The following ESRRG variants were observed in gnomAD, a reference collection of about 807,000 sequenced individuals.
ESRRG encodes estrogen-related receptor gamma.
Under a neutral mutation model 44.0 loss-of-function variants are expected in ESRRG, and 13 were observed. That is an observed-to-expected ratio of 0.30 (90% CI 0.19 to 0.47). The LOEUF is 0.47. Among genes scored for constraint, ESRRG ranks in the 20% least tolerant of loss-of-function variants. The pLI is 1.00. For missense variants in ESRRG, 395 were observed against 580.6 expected, an observed-to-expected ratio of 0.68 and a Z score of 3.29; for synonymous variants, 215 against 214.6, an observed-to-expected ratio of 1.00 and a Z score of -0.02.
intron 3 of ESRRG, among the ~76,000 whole-genome samples, chr1:216,569,756 T>G (rs982423945): frequency 6.6e-5 from 10 of 152,240 alleles, no homozygotes; most frequent in Admixed American, 3.3e-4. Flanking sequence ...GTACATATTT[T>G]GGCATGTCTC....
chr1:216,974,308 G>A (rs1422781418), intron 1 of ESRRG, among the ~76,000 whole-genome samples: 2 of 152,158 alleles, frequency 1.3e-5, no homozygotes, highest in African/African-American at 2.4e-5. Context: ...ATTACAGATT[G>A]TAGCATGCAT....
chr1:216,698,649 T>G (rs2151837239), intron 1 of ESRRG, among the ~76,000 whole-genome samples: 1 of 151,400 alleles, frequency 6.6e-6, no homozygotes, highest in East Asian at 1.9e-4. Context: ...CAACGGTGAG[T>G]ATAGAGGCAT....
At chr1:217,126,639 C>A (rs925527520) in intron 1 of ESRRG, among the ~76,000 whole-genome samples, 1 of 152,054 alleles carries the variant, frequency 6.6e-6, no homozygotes, top group African/African-American at 2.4e-5. Context: ...CTTAAGTAGG[C>A]AAACAGCAGG....
At chr1:217,135,289 A>G (rs1169837371) in intron 1 of ESRRG, among the ~76,000 whole-genome samples, 1 of 152,044 alleles carries the variant, frequency 6.6e-6, no homozygotes, top group African/African-American at 2.4e-5. Flanking sequence ...TCTTTATGAA[A>G]CACACACGCC....
At chr1:217,023,837 C>A (rs1212611561) in intron 1 of ESRRG, among the ~76,000 whole-genome samples, 2 of 152,112 alleles carry the variant, frequency 1.3e-5, no homozygotes, top group African/African-American at 4.8e-5. Context: ...ATCAGCCATC[C>A]CTAACTGTCC....
At chr1:216,984,914 C>T (rs2074613402) in intron 1 of ESRRG, among the ~76,000 whole-genome samples, 1 of 152,156 alleles carries the variant, frequency 6.6e-6, no homozygotes, top group Admixed American at 6.5e-5. Flanking sequence ...TTTTACTTGC[C>T]TATTTCTGAA....
rs368688184 is a variant in ESRRG, at chr1:216,935,620, AT to A, written c.-14+3961del. Among the ~76,000 whole-genome samples, 263 of 145,890 alleles carry A rather than the reference AT, an allele frequency of 1.8e-3. 1 individual carries two copies. Among genetic ancestry groups the A allele is most frequent in the East Asian group, 1.8e-3 (9 of 4,948 alleles). On this transcript the variant is annotated intron_variant, in intron 2 of 7. Transcript: ENST00000359162. Reference sequence around the variant, plus strand: ...CAAATTGAAATCCCACAGTTTAGGAATTTTTTTTTTTTTGGAGATGGAGTCT... The same window carrying A: ...CAAATTGAAATCCCACAGTTTAGGAATTTTTTTTTTTTGGAGATGGAGTCT...
At chr1:216,996,891 C>A (rs2076435425) in intron 1 of ESRRG, among the ~76,000 whole-genome samples, 1 of 152,090 alleles carries the variant, frequency 6.6e-6, no homozygotes, top group Non-Finnish European at 1.5e-5. Flanking sequence ...CATTAAATAT[C>A]TTTTGCAAGT....
intron 5 of ESRRG, among the ~76,000 whole-genome samples, chr1:216,540,645 C>T (rs1415323324): frequency 1.3e-5 from 2 of 151,940 alleles, no homozygotes; most frequent in Non-Finnish European, 2.9e-5. Context: ...AATAGTGCTA[C>T]ATGCTAATTT....
chr1:216,619,091 C>G (rs1452437579), intron 3 of ESRRG, among the ~76,000 whole-genome samples: 3 of 152,202 alleles, frequency 2.0e-5, no homozygotes, highest in Non-Finnish European at 4.4e-5. Flanking sequence ...ATTCTTAGCT[C>G]TTTTCCTTGT....
intron 2 of ESRRG, among the ~76,000 whole-genome samples, chr1:216,746,912 C>T (rs1004929407): frequency 8.5e-5 from 13 of 152,074 alleles, no homozygotes; most frequent in East Asian, 1.9e-4. Flanking sequence ...TTCCTTAAAA[C>T]GGCCTTATTT....
rs1366099079 is a variant in ESRRG at position 216,505,184 on chromosome 1, T to C, written c.*1755A>G. 3 of 152,636 alleles carry C rather than the reference T, an allele frequency of 2.0e-5. No homozygotes were observed. Among genetic ancestry groups the C allele is most frequent in the Non-Finnish European group, 4.4e-5 (3 of 68,044 alleles). The allele number at this position is 152,636 out of a possible 1,614,324, so 9.5% of individuals were successfully genotyped here. On this transcript the variant is annotated 3_prime_UTR_variant, in exon 7 of 7. Transcript: ENST00000408911. ...GGAGCAGCTACTAACACTGGTCCAT[T>C]GGTATAGCATTTGATGGAGGTTACT...
chr1:216,894,272 T>C (rs2149428157), intron 2 of ESRRG, among the ~76,000 whole-genome samples: 1 of 152,272 alleles, frequency 6.6e-6, no homozygotes, highest in East Asian at 1.9e-4. Context: ...GGAGCCAAAA[T>C]GTACACAGTC....
At chr1:216,662,853 C>T (rs2072885901) in intron 2 of ESRRG, among the ~76,000 whole-genome samples, 1 of 152,182 alleles carries the variant, frequency 6.6e-6, no homozygotes, top group Non-Finnish European at 1.5e-5. Flanking sequence ...ACAGACCATA[C>T]TAGAATAGGT....
chr1:216,709,343 GTATATA>G (rs71163761), intron 1 of ESRRG, among the ~76,000 whole-genome samples: 5 of 145,370 alleles, frequency 3.4e-5, no homozygotes, highest in African/African-American at 1.3e-4. Context: ...GTGTGTGTGT[GTATATA>G]TATATATATA....
chr1:217,136,333 G>A (rs921407919), intron 1 of ESRRG, among the ~76,000 whole-genome samples: 3 of 152,206 alleles, frequency 2.0e-5, no homozygotes, highest in African/African-American at 2.4e-5. Context: ...AGTGCGAAAG[G>A]TGAGTGCGGA....
At chr1:216,568,132 A>G (rs779034398) in intron 3 of ESRRG, 34 bp from the exon 4 acceptor site, 2 of 1,464,940 alleles carry the variant, frequency 1.4e-6, no homozygotes, top group Admixed American at 3.3e-5. Context: ...CTTACTATTA[A>G]GGTAGCTATG....
At chr1:216,591,300 G>A (rs760952797) in intron 3 of ESRRG, among the ~76,000 whole-genome samples, 2 of 152,174 alleles carry the variant, frequency 1.3e-5, no homozygotes, top group Non-Finnish European at 2.9e-5. Context: ...GATGGAGCTC[G>A]AAGAGCTTCT....
At chr1:216,645,830 C>T (rs1436255808) in intron 3 of ESRRG, among the ~76,000 whole-genome samples, 3 of 147,972 alleles carry the variant, frequency 2.0e-5, no homozygotes, top group South Asian at 2.1e-4. Flanking sequence ...CAAGATCATG[C>T]CACTGCACTC....
Sources: gnomAD v4.1 joint callset for allele counts (sites outside exome capture counted in the v4.1 genomes callset) on GRCh38, gnomAD v4.1.1 for gene constraint, MANE v1.5 for transcripts, NCBI Gene and HGNC (gene_info 2026-07-23, HGNC 2026-07-21) for gene names.